CCT7: variants seen among roughly 807,000 people sequenced by gnomAD.
CCT7 encodes the protein T-complex protein 1 subunit eta.
CCT7 carries 16 observed loss-of-function variants against 56.6 expected under a neutral mutation model. That is an observed-to-expected ratio of 0.28 (90% CI 0.19 to 0.43). The LOEUF is 0.43. CCT7 is among the 20% of genes least tolerant of loss of function. CCT7 has a pLI of 1.00. For synonymous variants in CCT7, 262 were observed against 254.8 expected, an observed-to-expected ratio of 1.03 and a Z score of -0.27; for missense variants, 519 against 685.6, an observed-to-expected ratio of 0.76 and a Z score of 2.71.
In CCT7 at chr2:73,242,318, C is replaced by T. The variant is rs531141513; in HGVS notation, c.268-686C>T. On this transcript the variant is annotated intron_variant, in intron 3 of 11. Coordinates refer to ENST00000258091, the MANE Select transcript of CCT7 (RefSeq NM_006429.4). Reference sequence around the variant, plus strand: ...TTCTTGAGACGGAGTCTCACTCTGTCGCCCAGGCTGGAGTGCTGTGGTGCG... The same window carrying T: ...TTCTTGAGACGGAGTCTCACTCTGTTGCCCAGGCTGGAGTGCTGTGGTGCG... Among the ~76,000 whole-genome samples the T allele has an allele frequency of 7.3e-5, 11 of 151,612 alleles. 1 individual carries two copies. In the South Asian group the frequency reaches 2.1e-3, roughly 29 times the overall value.
rs1272518343 is a variant in CCT7 at position 73,243,927 on chromosome 2, G to A, written c.394-70G>A. 4 of 1,405,296 alleles carry A rather than the reference G, an allele frequency of 2.8e-6. No individual in the cohort carries two copies. In the African/African-American group the frequency reaches 5.6e-5, roughly 20 times the overall value. The allele number at this position is 1,405,296 out of a possible 1,614,324, so 87.1% of individuals were successfully genotyped here. The stretch of plus-strand genomic sequence containing the variant: ...GGGAGTGAACAGACTCAGGACTATT[G>A]AGAGATTGAGGTCCACTTCAGCAGT... On this transcript the variant is annotated intron_variant, in intron 4 of 11. Transcript: ENST00000258091.
intron 1 of CCT7, among the ~76,000 whole-genome samples, chr2:73,235,375 G>T (rs887744029): frequency 6.6e-6 from 1 of 152,112 alleles, no homozygotes; most frequent in African/African-American, 2.4e-5. Flanking sequence ...TATTCATTTT[G>T]GCCTGTCCGA....
At position 73,248,947 on chromosome 2, in the gene CCT7, A is replaced by C. The variant is rs766370855; in HGVS notation, c.784-44A>C. On this transcript the variant is annotated intron_variant, in intron 7 of 11. Transcript: ENST00000258091. ...ATATTTTACCCTACCGTATATGTCA[A>C]CCTTCACCCCAAAGCATTCTCATCC... is the stretch of plus-strand genomic sequence containing the variant. 5.2e-6 allele frequency: 8 copies of C among 1,544,902 alleles called. No individual in the cohort carries two copies. The South Asian group carries it at 8.1e-5, about 16-fold the overall frequency.
intron 1 of CCT7, among the ~76,000 whole-genome samples, chr2:73,234,826 G>A (rs1243522174): frequency 6.6e-6 from 1 of 152,214 alleles, no homozygotes; most frequent in Non-Finnish European, 1.5e-5. Context: ...GCACATTGGG[G>A]ACCTCATATT....
chr2:73,241,111 C>T (rs1687093238), intron 3 of CCT7, among the ~76,000 whole-genome samples: 2 of 146,946 alleles, frequency 1.4e-5, no homozygotes, highest in African/African-American at 2.5e-5. Flanking sequence ...GTGTATAATT[C>T]ATGGCATTAA....
chr2:73,235,487 T>G (rs1218273704), intron 1 of CCT7: 17 of 954,826 alleles, frequency 1.8e-5, no homozygotes, highest in Non-Finnish European at 1.9e-5. Flanking sequence ...TGAATCCCGC[T>G]TGTACCCAAG....
At chr2:73,246,842 G>C (rs1434596687) in intron 6 of CCT7, among the ~76,000 whole-genome samples, 1 of 152,184 alleles carries the variant, frequency 6.6e-6, no homozygotes, top group East Asian at 1.9e-4. Flanking sequence ...GGAAGCTGTG[G>C]ATTTGAATGA....
intron 3 of CCT7, among the ~76,000 whole-genome samples, chr2:73,241,684 G>GA (rs1487178234): frequency 4.0e-5 from 6 of 151,352 alleles, no homozygotes; most frequent in Non-Finnish European, 8.8e-5. Flanking sequence ...TCCCATCACA[G>GA]AAAAGCACCA....
rs549340451 is a variant in CCT7, at chr2:73,249,844, G to T, written c.998G>T (p.Ser333Ile). The T allele has an allele frequency of 1.2e-6, 2 of 1,613,724 alleles. No homozygotes were observed. Among genetic ancestry groups the T allele is most frequent in the Admixed American group, 1.7e-5 (1 of 60,036 alleles). ...MMACGGSIQT[S>I]VNALSADVLG... ...GCCTGTGGAGGCTCAATCCAGACCA[G>T]TGTGAATGCTCTGTCAGCAGATGTG... The change falls in exon 9 of 12, where the codon AGT becomes ATT. Residue 333 changes from serine to isoleucine, a missense_variant. Ser to Ile is a moderately radical substitution (Grantham distance 142). This residue lies in a region of CCT7 where 237 missense variants were observed against 300.8 expected (regional missense o/e 0.79). Coordinates refer to ENST00000258091, the MANE Select transcript of CCT7 (RefSeq NM_006429.4).
rs1298901506 is a variant in CCT7 at position 73,249,912 on chromosome 2, G to A, written c.1066G>A (p.Glu356Lys). 1.2e-6 allele frequency: 2 copies of A among 1,607,948 alleles called. No individual in the cohort carries two copies. Among genetic ancestry groups the A allele is most frequent in the Admixed American group, 1.7e-5 (1 of 60,030 alleles). The change falls in exon 9 of 12, where the codon GAG becomes AAG. Residue 356 changes from glutamate to lysine, a missense_variant. Glu to Lys is a moderately conservative substitution (Grantham distance 56). Coordinates refer to ENST00000258091, the MANE Select transcript of CCT7 (RefSeq NM_006429.4). ...GTTTGAAGAGACCCAGATTGGAGGCGAGAGGTGAGCCGTGGGCCCAGGCCG... is the reference window on the plus strand; with the variant it reads ...GTTTGAAGAGACCCAGATTGGAGGCAAGAGGTGAGCCGTGGGCCCAGGCCG... ...QVFEETQIGGERYNFFTGCPK... is the reference protein window; with the variant it reads ...QVFEETQIGGKRYNFFTGCPK...
At chr2:73,243,941 C>A in intron 4 of CCT7, 56 bp from the exon 5 acceptor site, 1 of 1,517,330 alleles carries the variant, frequency 6.6e-7, no homozygotes, top group Non-Finnish European at 9.1e-7. Flanking sequence ...GATTGAGGTC[C>A]ACTTCAGCAG....
chr2:73,234,804 G>T (rs902758703), intron 1 of CCT7, among the ~76,000 whole-genome samples: 1 of 152,250 alleles, frequency 6.6e-6, no homozygotes, highest in Non-Finnish European at 1.5e-5. Context: ...GTGCTTCTTG[G>T]AACCGGCACA....
intron 11 of CCT7, among the ~76,000 whole-genome samples, chr2:73,252,357 C>T (rs1687630914): frequency 7.9e-6 from 1 of 126,938 alleles, no homozygotes; most frequent in Admixed American, 7.4e-5. Flanking sequence ...ATATAGTCCT[C>T]AGGTGACCTG....
Position 73,252,324 on chromosome 2 carries a change from G to GATATATATATATATAT in CCT7, c.1411-304_1411-289dup, listed in dbSNP as rs57359293. On this transcript the variant is annotated intron_variant, in intron 11 of 11. Transcript: ENST00000258091. ...TGTTTATCTTGAGAACTCATTGTTT[G>GATATATATATATATAT]ATATATATATATATATATATATATA... Among the ~76,000 whole-genome samples the GATATATATATATATAT allele has an allele frequency of 4.7e-3, 598 of 127,230 alleles. 10 individuals carry two copies. The highest frequency in any genetic ancestry group is 8.4e-3 in the Middle Eastern group (2 of 238). The allele number at this position is 127,230 out of a possible 152,430, so 83.5% of individuals were successfully genotyped here.
intron 7 of CCT7, 59 bp downstream of exon 7, chr2:73,247,985 C>T: frequency 2.7e-6 from 4 of 1,502,758 alleles, no homozygotes; most frequent in Non-Finnish European, 3.7e-6. Flanking sequence ...GAGCCAGAGC[C>T]CTGGGTCTTC....
chr2:73,249,768 G>C, intron 8 of CCT7, 51 bp from the exon 9 acceptor site: 2 of 1,297,350 alleles, frequency 1.5e-6, no homozygotes, highest in South Asian at 1.2e-5. Flanking sequence ...GCAGGAAGCT[G>C]CCTGGCCTCG....
intron 3 of CCT7, among the ~76,000 whole-genome samples, chr2:73,242,158 A>C (rs1288928539): frequency 6.6e-6 from 1 of 150,728 alleles, no homozygotes; most frequent in Admixed American, 6.6e-5. Context: ...GCAGTGGCTC[A>C]TGCCTGTAAT....
At chr2:73,242,046 A>G (rs952819968) in intron 3 of CCT7, among the ~76,000 whole-genome samples, 1 of 150,966 alleles carries the variant, frequency 6.6e-6, no homozygotes, top group Non-Finnish European at 1.5e-5. Context: ...TGGCCTCCTC[A>G]TAGTTTTTGA....
At chr2:73,235,272 G>T (rs1208407098) in intron 1 of CCT7, among the ~76,000 whole-genome samples, 1 of 152,104 alleles carries the variant, frequency 6.6e-6, no homozygotes, top group Non-Finnish European at 1.5e-5. Context: ...AGCCTCGATG[G>T]TATCTCCTGG....
Sources: gnomAD v4.1 joint callset for allele counts (sites outside exome capture counted in the v4.1 genomes callset) on GRCh38, gnomAD v4.1.1 for gene constraint, gnomAD v4.1.1 regional missense constraint, MANE v1.5 for transcripts, NCBI Gene and HGNC (gene_info 2026-07-23, HGNC 2026-07-21) for gene names.